The following TMEM163 variants were observed in gnomAD, a reference collection of about 807,000 sequenced individuals.
The protein encoded by TMEM163 is transmembrane protein 163.
A neutral mutation model predicts 29.3 loss-of-function variants in TMEM163; 17 were observed. That is an observed-to-expected ratio of 0.58 (90% CI 0.40 to 0.87). The LOEUF (loss-of-function observed/expected upper bound fraction) is 0.87. TMEM163 is among the 40% of genes least tolerant of loss of function. TMEM163 has a pLI of 0.00. For missense variants in TMEM163, 303 were observed against 381.5 expected (o/e 0.79, Z 1.71); for synonymous variants, 157 against 160.6 (o/e 0.98, Z 0.17).
intron 4 of TMEM163, among the ~76,000 whole-genome samples, chr2:134,533,426 G>A (rs1680457973): frequency 6.6e-6 from 1 of 152,178 alleles, no homozygotes; most frequent in Non-Finnish European, 1.5e-5. Flanking sequence ...TAAGTATTCT[G>A]GAAGCACATG....
intron 2 of TMEM163, among the ~76,000 whole-genome samples, chr2:134,616,280 G>A (rs1558965752): frequency 6.6e-6 from 1 of 152,184 alleles, no homozygotes; most frequent in Non-Finnish European, 1.5e-5. Context: ...ACCTGGGGAA[G>A]CTTCACCAGA....
intron 2 of TMEM163, among the ~76,000 whole-genome samples, chr2:134,632,623 G>A (rs1318680429): frequency 6.6e-6 from 1 of 152,200 alleles, no homozygotes; most frequent in African/African-American, 2.4e-5. Context: ...CCTTGTTGCT[G>A]TGTCCTCAAA....
At position 134,456,773 on chromosome 2, in the gene TMEM163, G is replaced by T. The variant is rs539702936; in HGVS notation, c.813C>A (p.Leu271=). The change falls in exon 8 of 8, where the codon CTC becomes CTA. Residue 271 remains leucine (L), a synonymous_variant. Transcript: ENST00000281924. ...TCACCCTCGGCACCATGTCGATGAGGAGTCTGCAAAGACGAAGACAGACAA... is the reference window on the plus strand; with the variant it reads ...TCACCCTCGGCACCATGTCGATGAGTAGTCTGCAAAGACGAAGACAGACAA... ...GLTIFAYGVK[L]LIDMVPRVRQ... 5.9e-5 allele frequency: 95 copies of T among 1,613,616 alleles called. No individual in the cohort carries two copies. In the South Asian group the frequency reaches 9.5e-4, roughly 16 times the overall value.
At position 134,499,662 on chromosome 2, in the gene TMEM163, C is replaced by T. The variant is rs114949729; in HGVS notation, c.555+3239G>A. Among the ~76,000 whole-genome samples the T allele has an allele frequency of 3.0e-3, 456 of 152,342 alleles. 3 individuals are homozygous for T. The highest frequency in any genetic ancestry group is 0.01 in the African/African-American group (427 of 41,572). Reference sequence around the variant, plus strand: ...CCTGCAATTATTCCCACTCTGAGAACCGTGCAGCGAAACTAAAAAGAAGGC... The same window carrying T: ...CCTGCAATTATTCCCACTCTGAGAATCGTGCAGCGAAACTAAAAAGAAGGC... On this transcript the variant is annotated intron_variant, in intron 5 of 7. Coordinates refer to ENST00000281924, the MANE Select transcript of TMEM163 (RefSeq NM_030923.5).
At chr2:134,504,927 G>A (rs1679786883) in intron 4 of TMEM163, among the ~76,000 whole-genome samples, 1 of 152,102 alleles carries the variant, frequency 6.6e-6, no homozygotes, top group Non-Finnish European at 1.5e-5. Context: ...GGATTCCTAG[G>A]GCTTGGGAAT....
chr2:134,497,489 G>A (rs953320061), intron 5 of TMEM163, among the ~76,000 whole-genome samples: 2 of 152,162 alleles, frequency 1.3e-5, no homozygotes, highest in African/African-American at 2.4e-5. Context: ...CATGGTCCAC[G>A]CAAGGCAGAG....
intron 2 of TMEM163, among the ~76,000 whole-genome samples, chr2:134,594,691 A>T (rs1201628383): frequency 1.3e-5 from 2 of 152,220 alleles, no homozygotes; most frequent in Non-Finnish European, 2.9e-5. Context: ...ATTTCGATCT[A>T]CTGCTTTAGA....
intron 2 of TMEM163, among the ~76,000 whole-genome samples, chr2:134,648,576 T>C (rs1004811553): frequency 1.3e-5 from 2 of 152,126 alleles, no homozygotes; most frequent in Non-Finnish European, 2.9e-5. Flanking sequence ...GAAAGATACA[T>C]ATTAAGGATA....
chr2:134,708,029 G>A (rs893563419), intron 2 of TMEM163, among the ~76,000 whole-genome samples: 91 of 152,004 alleles, frequency 6.0e-4, no homozygotes, highest in African/African-American at 2.1e-3. Flanking sequence ...TGGGATAACA[G>A]GCACGCACCA....
At position 134,718,954 on chromosome 2, in the gene TMEM163, C is replaced by A. The variant is rs1685103275; in HGVS notation, c.-19G>T. The stretch of plus-strand genomic sequence containing the variant: ...GCTCCATGGCGCGGGGCTGCGGATC[C>A]CGGCGGCGGCGACGACAAGCGCGGC... On this transcript the variant is annotated 5_prime_UTR_variant, in exon 1 of 8. Transcript: ENST00000281924. The A allele has an allele frequency of 9.7e-7, 1 of 1,030,046 alleles. No individual in the cohort carries two copies. Among genetic ancestry groups the A allele is most frequent in the South Asian group, 4.4e-5 (1 of 22,524 alleles). 63.8% of individuals were successfully genotyped at this position (1,030,046 alleles called of 1,614,324 possible). A position where few individuals can be genotyped will look rare whatever the true frequency, so the allele number is the denominator to read the frequency against.
intron 4 of TMEM163, among the ~76,000 whole-genome samples, chr2:134,535,001 G>A (rs1416514134): frequency 6.6e-6 from 1 of 152,076 alleles, no homozygotes; most frequent in East Asian, 1.9e-4. Flanking sequence ...ACTTCCATCT[G>A]CTTTCCCAGA....
intron 5 of TMEM163, among the ~76,000 whole-genome samples, chr2:134,486,328 C>T (rs1206458634): frequency 2.0e-5 from 3 of 152,134 alleles, no homozygotes; most frequent in Admixed American, 6.5e-5. Flanking sequence ...GCACTACTAA[C>T]GATGAGAGCT....
At chr2:134,483,316 G>C (rs1301104470) in intron 5 of TMEM163, among the ~76,000 whole-genome samples, 5 of 152,108 alleles carry the variant, frequency 3.3e-5, no homozygotes, top group African/African-American at 1.2e-4. Context: ...GCATTTAAAG[G>C]ACCAAGCACA....
chr2:134,528,810 C>A (rs1361756022), intron 4 of TMEM163, among the ~76,000 whole-genome samples: 1 of 152,088 alleles, frequency 6.6e-6, no homozygotes, highest in South Asian at 2.1e-4. Context: ...TAATCAGACA[C>A]AAGATTGTAT....
Position 134,680,934 on chromosome 2 carries a change from T to G in TMEM163, c.322+32266A>C, listed in dbSNP as rs1684217364. ...AGAGCTTAGTTTGCCTGGCACACAG[T>G]AAGCGTAAAGATGAGCTTCTCAACC... On this transcript the variant is annotated intron_variant, in intron 2 of 7. Coordinates refer to ENST00000281924, the MANE Select transcript of TMEM163 (RefSeq NM_030923.5). 2.6e-5 allele frequency among the ~76,000 whole-genome samples: 4 copies of G among 152,326 alleles called. 1 individual carries two copies. In the South Asian group the frequency reaches 8.3e-4, roughly 32 times the overall value.
chr2:134,460,536 A>G lies in TMEM163; in HGVS notation c.668-2363T>C, dbSNP rs1686512310. On this transcript the variant is annotated intron_variant, in intron 6 of 7. Coordinates refer to ENST00000281924, the MANE Select transcript of TMEM163 (RefSeq NM_030923.5). The surrounding 1 kb of genome is among the most constrained non-coding windows in gnomAD (Gnocchi z 4.3). The stretch of plus-strand genomic sequence containing the variant: ...CTGGCATTCATCAGGGGTGCAAATG[A>G]CCGCTGCATTAACAAGTGACCACAC... Among the ~76,000 whole-genome samples, 1 of 152,090 alleles carries G rather than the reference A, an allele frequency of 6.6e-6. No homozygotes were observed. The highest frequency in any genetic ancestry group is 1.5e-5 in the Non-Finnish European group (1 of 68,020).
intron 2 of TMEM163, among the ~76,000 whole-genome samples, chr2:134,658,423 A>G (rs1399314440): frequency 6.6e-6 from 1 of 152,184 alleles, no homozygotes; most frequent in South Asian, 2.1e-4. Context: ...AATGTATAAT[A>G]TGAAAAATTA....
At chr2:134,554,125 T>C (rs1174784502) in intron 2 of TMEM163, among the ~76,000 whole-genome samples, 1 of 152,006 alleles carries the variant, frequency 6.6e-6, no homozygotes, top group Non-Finnish European at 1.5e-5. Flanking sequence ...GCTCCAGATC[T>C]ACAACAGATA....
intron 2 of TMEM163, among the ~76,000 whole-genome samples, chr2:134,565,234 T>TCAAAAA (rs897752335): frequency 2.0e-4 from 30 of 151,642 alleles, no homozygotes; most frequent in Non-Finnish European, 2.9e-4. Context: ...CAAGACTGTC[T>TCAAAAA]CAAAAACAAA....
Sources: gnomAD v4.1 joint callset for allele counts (sites outside exome capture counted in the v4.1 genomes callset) on GRCh38, gnomAD v4.1.1 for gene constraint, Gnocchi (gnomAD v3.1) non-coding constraint, MANE v1.5 for transcripts, NCBI Gene and HGNC (gene_info 2026-07-23, HGNC 2026-07-21) for gene names.